The following LY96 variants were observed in gnomAD, a reference collection of about 807,000 sequenced individuals.
LY96 encodes the protein lymphocyte antigen 96, also known as myeloid differentiation protein-2.
A neutral mutation model predicts 18.9 loss-of-function variants in LY96; 18 were observed. The ratio of observed to expected loss-of-function variants is 0.95; its 90% confidence interval spans 0.66 to 1.41. The LOEUF (loss-of-function observed/expected upper bound fraction) is 1.41. Among genes scored for constraint, LY96 ranks in the 40% most tolerant of loss-of-function variants. The probability of loss-of-function intolerance (pLI) is 0.00; values close to 1 mark genes in which losing one functional copy is unlikely to be tolerated. For synonymous variants in LY96, 66 were observed against 62.6 expected, an observed-to-expected ratio of 1.06 and a Z score of -0.26; for missense variants, 175 against 182.4, an observed-to-expected ratio of 0.96 and a Z score of 0.23.
the LY96 span, among the ~76,000 whole-genome samples, chr8:74,095,179 G>A: frequency 9.8e-5 from 15 of 152,334 alleles, no homozygotes; most frequent in East Asian, 2.5e-3. Flanking sequence ...TCATCTGAGT[G>A]ATAGCTTAAT....
chr8:74,083,848 T>G, the LY96 span, among the ~76,000 whole-genome samples: 1 of 151,916 alleles, frequency 6.6e-6, no homozygotes, highest in East Asian at 1.9e-4. Flanking sequence ...TGTGCCCCCA[T>G]GCCTGGCTAA....
chr8:74,046,143 G>T, the LY96 span, among the ~76,000 whole-genome samples: 1 of 152,152 alleles, frequency 6.6e-6, no homozygotes, highest in African/African-American at 2.4e-5. Flanking sequence ...GCTGGGTATG[G>T]TGGCGTGCAC....
chr8:74,027,146 C>T (rs1179055086), intron 4 of LY96, among the ~76,000 whole-genome samples: 1 of 151,928 alleles, frequency 6.6e-6, no homozygotes, highest in African/African-American at 2.4e-5. Flanking sequence ...CACCATGTTG[C>T]CCAGGTTGGT....
the LY96 span, chr8:74,079,468 T>A: frequency 1.3e-5 from 2 of 152,130 alleles, no homozygotes; most frequent in Non-Finnish European, 2.9e-5. Flanking sequence ...AGTATACTGG[T>A]CTCCATTAAA....
chr8:74,008,724 G>A (rs953183996), intron 2 of LY96, among the ~76,000 whole-genome samples: 15 of 152,172 alleles, frequency 9.9e-5, no homozygotes, highest in Non-Finnish European at 1.9e-4. Context: ...AAATACATGG[G>A]ATCAATGCTC....
the LY96 span, among the ~76,000 whole-genome samples, chr8:74,098,688 T>C: frequency 2.6e-5 from 4 of 152,226 alleles, no homozygotes; most frequent in Non-Finnish European, 5.9e-5. Context: ...TCTGTCTTAG[T>C]ATTTATTTGA....
intron 1 of LY96, among the ~76,000 whole-genome samples, chr8:74,001,691 A>C (rs1263934777): frequency 1.3e-5 from 2 of 152,020 alleles, no homozygotes; most frequent in African/African-American, 4.8e-5. Context: ...ATCTCTACAA[A>C]AAAAAAAATT....
At chr8:74,070,381 G>A in the LY96 span, among the ~76,000 whole-genome samples, 5 of 152,110 alleles carry the variant, frequency 3.3e-5, no homozygotes, top group African/African-American at 9.7e-5. Context: ...GTGAGCCACC[G>A]CGCCCGGCCT....
intron 1 of LY96, among the ~76,000 whole-genome samples, chr8:73,995,838 T>C (rs1563707394): frequency 6.6e-6 from 1 of 152,180 alleles, no homozygotes; most frequent in Non-Finnish European, 1.5e-5. Flanking sequence ...ACTGAGGAGA[T>C]AAGTGAATTA....
chr8:74,025,838 T>C (rs542919994), intron 3 of LY96, among the ~76,000 whole-genome samples: 5 of 152,182 alleles, frequency 3.3e-5, no homozygotes, highest in African/African-American at 1.2e-4. Flanking sequence ...TGAAACCCTG[T>C]CTTTACTAAA....
At chr8:74,057,927 G>T in the LY96 span, among the ~76,000 whole-genome samples, 1 of 152,194 alleles carries the variant, frequency 6.6e-6, no homozygotes. Flanking sequence ...AACATCTGTG[G>T]AGTAGAAAAG....
intron 2 of LY96, among the ~76,000 whole-genome samples, chr8:74,008,556 C>T (rs1044297257): frequency 1.3e-5 from 2 of 152,078 alleles, no homozygotes; most frequent in Non-Finnish European, 2.9e-5. Flanking sequence ...GCAATGAGGG[C>T]CTACATGAAG....
intron 3 of LY96, among the ~76,000 whole-genome samples, chr8:74,011,403 AG>A (rs1370964556): frequency 1.3e-5 from 2 of 152,246 alleles, no homozygotes; most frequent in African/African-American, 2.4e-5. Context: ...TACATCAAAA[AG>A]CTTCTGCATA....
chr8:74,061,539 G>T, the LY96 span, among the ~76,000 whole-genome samples: 1 of 152,216 alleles, frequency 6.6e-6, no homozygotes, highest in Non-Finnish European at 1.5e-5. Context: ...GCAGGAATAA[G>T]TGTGTGAGAT....
chr8:74,009,651 T>C (rs1816488823), intron 2 of LY96, among the ~76,000 whole-genome samples: 1 of 152,190 alleles, frequency 6.6e-6, no homozygotes, highest in Non-Finnish European at 1.5e-5. Flanking sequence ...TTCCTTTCCT[T>C]TTCTTTTCTT....
the LY96 span, among the ~76,000 whole-genome samples, chr8:74,085,471 A>G: frequency 6.6e-6 from 1 of 152,240 alleles, no homozygotes; most frequent in Non-Finnish European, 1.5e-5. Context: ...CAGTGTGTAC[A>G]GAAGAGCCTG....
At chr8:73,993,548 T>A (rs1020158823) in intron 1 of LY96, among the ~76,000 whole-genome samples, 1 of 152,154 alleles carries the variant, frequency 6.6e-6, no homozygotes, top group African/African-American at 2.4e-5. Context: ...GTTCAAGTGA[T>A]TCTCCTGCCT....
the LY96 span, among the ~76,000 whole-genome samples, chr8:74,097,060 T>G: frequency 6.6e-6 from 1 of 152,218 alleles, no homozygotes. Flanking sequence ...CTGATATTTT[T>G]GCTTAACATT....
chr8:73,993,238 A>G (rs1412805769), intron 1 of LY96, among the ~76,000 whole-genome samples: 4 of 151,662 alleles, frequency 2.6e-5, no homozygotes, highest in Admixed American at 2.6e-4. Flanking sequence ...CTTAACAATA[A>G]CTCAATTTGT....
Sources: gnomAD v4.1 joint callset for allele counts (sites outside exome capture counted in the v4.1 genomes callset) on GRCh38, gnomAD v4.1.1 for gene constraint, MANE v1.5 for transcripts, NCBI Gene and HGNC (gene_info 2026-07-23, HGNC 2026-07-21) for gene names.